Variants in MPP1 observed in about 807,000 individuals in gnomAD.
MPP1 encodes the protein MAGUK p55 scaffold protein 1, also known as 55 kDa erythrocyte membrane protein.
In MPP1, 6 loss-of-function variants were observed where a neutral mutation model predicts 38.2. The ratio of observed to expected loss-of-function variants is 0.16; its 90% CI spans 0.09 to 0.31. The LOEUF is 0.31. MPP1 is among the 10% of genes least tolerant of loss of function. The probability of loss-of-function intolerance (pLI) is 1.00; values close to 1 mark genes in which losing one functional copy is unlikely to be tolerated. For synonymous variants in MPP1, 153 were observed against 146.3 expected (o/e 1.05, Z -0.33); for missense variants, 293 against 368.9 (o/e 0.79, Z 1.69).
chrX:154,789,519 C>A (rs1308061452), intron 5 of MPP1, among the ~76,000 whole-genome samples: 1 of 112,216 alleles, frequency 8.9e-6, no homozygotes, highest in African/African-American at 3.2e-5. Flanking sequence ...GTGTCTCATG[C>A]ATATTTTAAT....
intron 1 of MPP1, among the ~76,000 whole-genome samples, chrX:154,795,592 T>C (rs1251145029): frequency 9.1e-6 from 1 of 110,338 alleles, no homozygotes; most frequent in Non-Finnish European, 1.9e-5. Flanking sequence ...TAGTAAAACC[T>C]CGTCTCTACA....
chrX:154,800,381 C>T (rs1415897179), intron 1 of MPP1, among the ~76,000 whole-genome samples: 1 of 111,986 alleles, frequency 8.9e-6, no homozygotes, highest in Non-Finnish European at 1.9e-5. Context: ...GGTACTAAAT[C>T]CATCTGGGAA....
intron 6 of MPP1, among the ~76,000 whole-genome samples, chrX:154,785,620 T>C (rs2072063477): frequency 8.9e-6 from 1 of 112,507 alleles, no homozygotes; most frequent in Non-Finnish European, 1.9e-5. Flanking sequence ...CTATTCAGTG[T>C]CAACCCCACA....
Position 154,781,134 on chromosome X carries a change from A to G in MPP1, c.1224+105T>C, listed in dbSNP as rs1411377474. 9 of 694,507 alleles carry G rather than the reference A, an allele frequency of 1.3e-5. No homozygotes were observed. In the African/African-American group the frequency reaches 2.0e-4, roughly 15 times the overall value. 57.2% of individuals were successfully genotyped at this position (694,507 alleles called of 1,213,427 possible). On this transcript the variant is annotated intron_variant, in intron 11 of 11. Coordinates refer to ENST00000369534, the MANE Select transcript of MPP1 (RefSeq NM_002436.4). ...GCCCTGGAGGAAGAAGCCCAGCTGGAGCTGTGACCTCCAGCCAGCACTCTG... is the reference window on the plus strand; with the variant it reads ...GCCCTGGAGGAAGAAGCCCAGCTGGGGCTGTGACCTCCAGCCAGCACTCTG...
At chrX:154,801,360 G>A (rs2072259244) in intron 1 of MPP1, among the ~76,000 whole-genome samples, 1 of 111,440 alleles carries the variant, frequency 9.0e-6, no homozygotes, top group Non-Finnish European at 1.9e-5. Flanking sequence ...GAACAAATGA[G>A]TTAGAAAAGA....
rs781914208 is a variant in MPP1, at chrX:154,794,615, G to C, written c.103-2330C>G. Among the ~76,000 whole-genome samples, 28 of 111,717 alleles carry C rather than the reference G, an allele frequency of 2.5e-4. 1 individual carries two copies. The East Asian group carries it at 7.1e-3, about 28-fold the overall frequency. ...AGATCTTCCCAATAGGCAGAACTGT[G>C]AGGAGTGTGCCATTCACTGTGTGGG... On this transcript the variant is annotated intron_variant, in intron 1 of 11. Transcript: ENST00000369534.
chrX:154,789,049 C>T (rs890544703), intron 5 of MPP1, among the ~76,000 whole-genome samples: 19 of 111,485 alleles, frequency 1.7e-4, no homozygotes, highest in African/African-American at 5.6e-4. Context: ...GGTGAGGGGG[C>T]GGCGGTCTTA....
At chrX:154,782,646 G>A (rs1302802417) in intron 9 of MPP1, 1 of 112,750 alleles carries the variant, frequency 8.9e-6, no homozygotes, top group East Asian at 2.8e-4. Context: ...TTGCTTAGCA[G>A]TACAGTAATT....
rs964936462 is a variant in MPP1 at position 154,778,944 on chromosome X, A to C, written c.*233T>G. On this transcript the variant is annotated 3_prime_UTR_variant, in exon 12 of 12. Transcript: ENST00000369534. ...ATTTTGGTAGTACTTCTTACCCCCA[A>C]TTTCTAGAAATCCTTTTCAAATCCA... is the stretch of plus-strand genomic sequence containing the variant. 2 of 368,508 alleles carry C rather than the reference A, an allele frequency of 5.4e-6. No individual in the cohort carries two copies. The highest frequency in any genetic ancestry group is 5.1e-5 in the African/African-American group (2 of 39,026). 30.4% of individuals were successfully genotyped at this position (368,508 alleles called of 1,213,427 possible). A position where few individuals can be genotyped will look rare whatever the true frequency, so the allele number is the denominator to read the frequency against.
At chrX:154,792,330 G>A in intron 1 of MPP1, 45 bp from the exon 2 acceptor site, 1 of 1,172,771 alleles carries the variant, frequency 8.5e-7, no homozygotes, top group Non-Finnish European at 1.2e-6. Context: ...TCAGGAGCAA[G>A]GCCCACAGCC....
chrX:154,796,413 T>C (rs2072198792), intron 1 of MPP1, among the ~76,000 whole-genome samples: 2 of 111,743 alleles, frequency 1.8e-5, no homozygotes, highest in Non-Finnish European at 1.9e-5. Context: ...ATTACAGGCA[T>C]GAGCCACCAT....
chrX:154,804,545 G>A (rs1230582106), intron 1 of MPP1, among the ~76,000 whole-genome samples: 1 of 111,492 alleles, frequency 9.0e-6, no homozygotes, highest in Non-Finnish European at 1.9e-5. Context: ...CTCCAAATGA[G>A]TAAGTGAGCC....
intron 6 of MPP1, 53 bp from the exon 7 acceptor site, chrX:154,785,210 C>CT: frequency 4.5e-6 from 4 of 897,650 alleles, no homozygotes; most frequent in Non-Finnish European, 4.5e-6. Flanking sequence ...CCCCTCATAC[C>CT]CCCCCCAGCC....
chrX:154,798,379 G>A (rs2072220292), intron 1 of MPP1, among the ~76,000 whole-genome samples: 1 of 112,220 alleles, frequency 8.9e-6, no homozygotes, highest in Non-Finnish European at 1.9e-5. Flanking sequence ...CAAAATACAG[G>A]TGAACAGTTA....
intron 1 of MPP1, among the ~76,000 whole-genome samples, chrX:154,792,750 G>A (rs2072156667): frequency 9.1e-6 from 1 of 110,420 alleles, no homozygotes; most frequent in African/African-American, 3.3e-5. Flanking sequence ...TGATGCTCTC[G>A]GTCACACAGC....
intron 1 of MPP1, chrX:154,804,604 A>G (rs1301512683): frequency 8.2e-5 from 25 of 305,068 alleles, no homozygotes; most frequent in Non-Finnish European, 1.3e-4. Context: ...GCTGGGCCCA[A>G]TCAAAACGAA....
chrX:154,797,285 G>A (rs1204889680), intron 1 of MPP1, among the ~76,000 whole-genome samples: 2 of 111,389 alleles, frequency 1.8e-5, no homozygotes, highest in East Asian at 2.8e-4. Flanking sequence ...TCTCATACAC[G>A]AGTGCTTTCA....
At chrX:154,782,198 CTT>C (rs2072016277) in intron 9 of MPP1, 1 of 138,113 alleles carries the variant, frequency 7.2e-6, no homozygotes, top group African/African-American at 3.1e-5. Flanking sequence ...CTTTTCATGA[CTT>C]GGAAAGAAGA....
intron 9 of MPP1, chrX:154,783,165 T>TA (rs2072028982): frequency 1.3e-5 from 2 of 157,671 alleles, no homozygotes; most frequent in Non-Finnish European, 2.4e-5. Context: ...CTTTAATACT[T>TA]AGTAATTTTT....
Sources: gnomAD v4.1 joint callset for allele counts (sites outside exome capture counted in the v4.1 genomes callset) on GRCh38, gnomAD v4.1.1 for gene constraint, MANE v1.5 for transcripts, NCBI Gene and HGNC (gene_info 2026-07-23, HGNC 2026-07-21) for gene names.